Variants in ADSL observed in about 807,000 individuals in gnomAD.
ADSL encodes adenylosuccinate lyase.
A neutral mutation model predicts 62.1 loss-of-function variants in ADSL; 44 were observed. That is an observed-to-expected ratio of 0.71 (90% CI 0.56 to 0.91). The LOEUF (loss-of-function observed/expected upper bound fraction) is 0.91, where lower values mean the gene tolerates loss of function less well. Among genes scored for constraint, ADSL ranks in the 40% least tolerant of loss-of-function variants. ADSL has a pLI of 0.00. For missense variants in ADSL, 531 were observed against 627.4 expected, an observed-to-expected ratio of 0.85 and a Z score of 1.64; for synonymous variants, 198 against 220.5, an observed-to-expected ratio of 0.90 and a Z score of 0.90.
intron 1 of ADSL, chr22:40,347,185 C>G (rs1421247773): frequency 1.8e-5 from 3 of 169,090 alleles, no homozygotes; most frequent in Non-Finnish European, 3.9e-5. Flanking sequence ...CTATTAAGAA[C>G]GGAACTGGGA....
chr22:40,360,312 T>G, intron 6 of ADSL, 90 bp from the exon 7 acceptor site: 1 of 1,077,384 alleles, frequency 9.3e-7, no homozygotes, highest in Non-Finnish European at 1.4e-6. Context: ...CCTCCTCCGT[T>G]AGCCTCCTAA....
chr22:40,360,579 C>T (rs528680422), intron 7 of ADSL, 87 bp downstream of exon 7: 114 of 905,756 alleles, frequency 1.3e-4, no homozygotes, highest in Middle Eastern at 1.1e-3. Context: ...ACTTAACCAT[C>T]TCTCTCAAGC....
chr22:40,356,493 C>A (rs917945333), intron 4 of ADSL, among the ~76,000 whole-genome samples: 3 of 150,912 alleles, frequency 2.0e-5, no homozygotes, highest in Non-Finnish European at 3.0e-5. Context: ...CAAGATCGCG[C>A]CGCTGCACTC....
chr22:40,346,840 C>T, intron 1 of ADSL, 129 bp downstream of exon 1: 2 of 1,009,940 alleles, frequency 2.0e-6, no homozygotes, highest in Non-Finnish European at 2.9e-6. Context: ...TGGGTGTTCC[C>T]TGTCCTGAGG....
rs183190870 is a variant in ADSL at position 40,346,538 on chromosome 22, T to C, written c.-21T>C. The C allele has an allele frequency of 1.3e-6, 2 of 1,597,082 alleles. No individual in the cohort carries two copies. Among genetic ancestry groups the C allele is most frequent in the Admixed American group, 1.7e-5 (1 of 58,280 alleles). ...CGCTCTTCCCTGGTCCAGTCCACCC[T>C]GGCGGGGTCGCAGGGTTGGGATGGC... is the stretch of plus-strand genomic sequence containing the variant. On this transcript the variant is annotated 5_prime_UTR_variant, in exon 1 of 13. Transcript: ENST00000623063.
chr22:40,363,365 T>C (rs1264671931), intron 10 of ADSL, among the ~76,000 whole-genome samples: 1 of 152,212 alleles, frequency 6.6e-6, no homozygotes, highest in Non-Finnish European at 1.5e-5. Flanking sequence ...TTTAAGTACT[T>C]GAGGCAGATG....
At chr22:40,348,530 G>GCCA (rs2044228112) in intron 1 of ADSL, 1 of 398,588 alleles carries the variant, frequency 2.5e-6, no homozygotes, top group East Asian at 3.6e-5. Flanking sequence ...AGAGGTGCAC[G>GCCA]CCACCACGCC....
At chr22:40,361,745 G>A in intron 9 of ADSL, 110 bp downstream of exon 9, 1 of 1,440,888 alleles carries the variant, frequency 6.9e-7, no homozygotes, top group Non-Finnish European at 9.6e-7. Context: ...TATCCCCAAG[G>A]ATCCCAGAGT....
rs747194010 is a variant in ADSL, at chr22:40,361,257, C to G, written c.793-16C>G. 1 of 1,612,928 alleles carries G rather than the reference C, an allele frequency of 6.2e-7. No individual in the cohort carries two copies. The highest frequency in any genetic ancestry group is 8.5e-7 in the Non-Finnish European group (1 of 1,178,960). On this transcript the variant is annotated splice_polypyrimidine_tract_variant and intron_variant, in intron 7 of 12. Coordinates refer to ENST00000623063, the MANE Select transcript of ADSL (RefSeq NM_000026.4). ...CTGACAGTGTGGGGTGATGCTTATT[C>G]CCCTACCTCCCCCAGATTTGCACCG...
chr22:40,360,652 G>A (rs776623248), intron 7 of ADSL, among the ~76,000 whole-genome samples, 160 bp downstream of exon 7: 3 of 151,860 alleles, frequency 2.0e-5, no homozygotes, highest in Middle Eastern at 3.4e-3. Context: ...GGGAAGACTC[G>A]TTTTGGCATT....
At chr22:40,355,442 G>A (rs1234846678) in intron 4 of ADSL, among the ~76,000 whole-genome samples, 2 of 152,172 alleles carry the variant, frequency 1.3e-5, no homozygotes, top group Non-Finnish European at 2.9e-5. Context: ...ACAGGCGTGA[G>A]CCACCGCGCC....
At chr22:40,352,399 G>A (rs1055623811) in intron 2 of ADSL, among the ~76,000 whole-genome samples, 5 of 152,112 alleles carry the variant, frequency 3.3e-5, no homozygotes, top group Admixed American at 6.5e-5. Context: ...GTGGTGGCGG[G>A]TGCCTGTAGT....
intron 7 of ADSL, 87 bp from the exon 8 acceptor site, chr22:40,361,186 C>T: frequency 7.9e-7 from 1 of 1,262,804 alleles, no homozygotes; most frequent in Non-Finnish European, 1.2e-6. Flanking sequence ...CCTAAGAGCT[C>T]ATCTCCTTCA....
chr22:40,357,845 C>T (rs921557642), intron 4 of ADSL, among the ~76,000 whole-genome samples: 1 of 152,104 alleles, frequency 6.6e-6, no homozygotes, highest in African/African-American at 2.4e-5. Flanking sequence ...AGTCTCGGCT[C>T]ATTGCAACCT....
downstream of ADSL, among the ~76,000 whole-genome samples, chr22:40,371,390 G>C (rs1159199124): frequency 6.6e-6 from 1 of 152,214 alleles, no homozygotes; most frequent in Non-Finnish European, 1.5e-5. Flanking sequence ...CGTTTGTGGT[G>C]GGTTGATGGC....
downstream of ADSL, among the ~76,000 whole-genome samples, chr22:40,370,957 G>T (rs1360015098): frequency 6.6e-6 from 1 of 152,258 alleles, no homozygotes. Context: ...GCCACCTCAG[G>T]TGTTCGGGGC....
At position 40,369,350 on chromosome 22, in the gene ADSL, T is replaced by C. The variant is rs1046733921; in HGVS notation, c.*2828T>C. ...GCAACTTTGTAATCTGATTTTCCCA[T>C]GTAACATTTTAATTTGATGGGTGGT... On this transcript the variant is annotated 3_prime_UTR_variant, in exon 13 of 13. Transcript: ENST00000623063. 2.6e-5 allele frequency: 4 copies of C among 151,558 alleles called. No homozygotes were observed. Among genetic ancestry groups the C allele is most frequent in the Non-Finnish European group, 5.9e-5 (4 of 67,962 alleles). 9.4% of individuals were successfully genotyped at this position (151,558 alleles called of 1,614,324 possible).
Position 40,387,274 on chromosome 22 carries a change from C to T in ADSL, c.90-2956C>T, listed in dbSNP as rs922785831. The T allele has an allele frequency of 8.5e-5, 34 of 398,392 alleles. No homozygotes were observed. The Admixed American group carries it at 1.1e-3, about 13-fold the overall frequency. 24.7% of individuals were successfully genotyped at this position (398,392 alleles called of 1,614,324 possible). On this transcript the variant is annotated intron_variant, in intron 2 of 2. Transcript: ENST00000498234. ...GCCACAGAGTATAATAGCATATATA[C>T]TCTATAATACTGTATATAGTGTAGT...
rs758359453 is a variant in ADSL at position 40,361,504 on chromosome 22, A to G, written c.879A>G (p.Pro293=). ...EKQQIGSSAM[P]YKRNPMRSER... ...CATGGGCAGGCTCAAGTGCGATGCC[A>G]TATAAGCGGAATCCCATGCGTTCAG... Residue 293 remains proline (P), a synonymous_variant, in exon 9 of 13, where the codon CCA becomes CCG. Transcript: ENST00000623063. 14 of 1,614,072 alleles carry G rather than the reference A, an allele frequency of 8.7e-6. No individual in the cohort carries two copies. The highest frequency in any genetic ancestry group is 1.1e-5 in the South Asian group (1 of 91,086).
Sources: gnomAD v4.1 joint callset for allele counts (sites outside exome capture counted in the v4.1 genomes callset) on GRCh38, gnomAD v4.1.1 for gene constraint, MANE v1.5 for transcripts, NCBI Gene and HGNC (gene_info 2026-07-23, HGNC 2026-07-21) for gene names.